Variants in ERC2 observed in about 807,000 individuals in gnomAD.
ERC2 encodes the protein ERC protein 2.
A neutral mutation model predicts 114.8 loss-of-function variants in ERC2; 42 were observed. The ratio of observed to expected loss-of-function variants is 0.37; its 90% CI spans 0.29 to 0.47. The LOEUF (loss-of-function observed/expected upper bound fraction) is 0.47, where lower values mean the gene tolerates loss of function less well. ERC2 is among the 20% of genes least tolerant of loss of function. The probability of loss-of-function intolerance (pLI) is 0.99; values close to 1 mark genes in which losing one functional copy is unlikely to be tolerated. For missense variants in ERC2, 939 were observed against 1,150.7 expected, an observed-to-expected ratio of 0.82 and a Z score of 2.66; for synonymous variants, 454 against 425.5, an observed-to-expected ratio of 1.07 and a Z score of -0.82.
intron 14 of ERC2, among the ~76,000 whole-genome samples, chr3:55,766,982 A>G (rs9311579): frequency 0.5 from 76,329 of 151,478 alleles, 19,511 homozygotes; most frequent in East Asian, 0.77. Flanking sequence ...GGTCATATCA[A>G]CTTGGGGGTT....
At chr3:56,381,513 C>T (rs998373020) in intron 2 of ERC2, among the ~76,000 whole-genome samples, 5 of 151,930 alleles carry the variant, frequency 3.3e-5, no homozygotes, top group African/African-American at 9.7e-5. Flanking sequence ...ACAGTTCAAA[C>T]CCATGTAGTT....
At chr3:56,059,698 T>C (rs1442846483) in intron 7 of ERC2, among the ~76,000 whole-genome samples, 6 of 152,206 alleles carry the variant, frequency 3.9e-5, no homozygotes, top group African/African-American at 9.6e-5. Context: ...TTTAGTGTTG[T>C]AGGAAAAAAC....
intron 12 of ERC2, among the ~76,000 whole-genome samples, chr3:55,956,685 T>G (rs962406708): frequency 1.3e-5 from 2 of 152,156 alleles, no homozygotes; most frequent in African/African-American, 4.8e-5. Flanking sequence ...AGCTCCAGGA[T>G]AAGCCAGATC....
chr3:55,729,060 T>A (rs1344231250), intron 15 of ERC2, among the ~76,000 whole-genome samples: 1 of 152,172 alleles, frequency 6.6e-6, no homozygotes, highest in African/African-American at 2.4e-5. Context: ...TCCATAGTAG[T>A]GATGAGGGGA....
intron 14 of ERC2, among the ~76,000 whole-genome samples, chr3:55,807,914 T>C (rs1000403377): frequency 3.9e-5 from 6 of 152,166 alleles, no homozygotes; most frequent in Non-Finnish European, 8.8e-5. Flanking sequence ...AAATGACCTC[T>C]GAGCATGAGG....
intron 7 of ERC2, among the ~76,000 whole-genome samples, chr3:56,051,864 C>G (rs1262864216): frequency 6.7e-6 from 1 of 148,488 alleles, no homozygotes; most frequent in African/African-American, 2.6e-5. Context: ...CACACACACA[C>G]ACACACACAC....
chr3:55,996,735 C>A (rs1039608692), intron 10 of ERC2, among the ~76,000 whole-genome samples: 16 of 152,138 alleles, frequency 1.1e-4, no homozygotes, highest in African/African-American at 3.9e-4. Flanking sequence ...CTTTGAAAGC[C>A]TAGATCAGGC....
chr3:55,907,384 C>T (rs113315098), intron 13 of ERC2, among the ~76,000 whole-genome samples: 2 of 152,172 alleles, frequency 1.3e-5, no homozygotes, highest in African/African-American at 4.8e-5. Flanking sequence ...TGCCCTGCTG[C>T]ACAGGGCTCT....
At chr3:56,049,628 G>A (rs1033815873) in intron 7 of ERC2, among the ~76,000 whole-genome samples, 1 of 152,120 alleles carries the variant, frequency 6.6e-6, no homozygotes, top group Non-Finnish European at 1.5e-5. Context: ...ACATGAAAAG[G>A]CTAGATTTGC....
rs570029190 is a variant in ERC2, at chr3:56,032,837, T to C, written c.1642-13806A>G. ...AGAAACATAGTGAGACCCTGTCTGT[T>C]GGAAGAACAAAAGAAAGAAAGGAAA... On this transcript the variant is annotated intron_variant, in intron 7 of 17. Transcript: ENST00000288221. Among the ~76,000 whole-genome samples, 3 of 122,234 alleles carry C rather than the reference T, an allele frequency of 2.5e-5. No homozygotes were observed. In the South Asian group the frequency reaches 7.7e-4, roughly 31 times the overall value. 80.2% of individuals were successfully genotyped at this position (122,234 alleles called of 152,430 possible). A position where few individuals can be genotyped will look rare whatever the true frequency, so the allele number is the denominator to read the frequency against.
intron 1 of ERC2, among the ~76,000 whole-genome samples, chr3:56,436,504 T>A (rs1420710835): frequency 6.6e-6 from 1 of 152,170 alleles, no homozygotes; most frequent in Non-Finnish European, 1.5e-5. Context: ...ACACACTTTC[T>A]GATTATACTG....
chr3:55,664,158 C>T (rs1383437933), intron 17 of ERC2, among the ~76,000 whole-genome samples: 3 of 151,786 alleles, frequency 2.0e-5, no homozygotes, highest in Non-Finnish European at 4.4e-5. Context: ...TATTTTTTTC[C>T]CCCCTCTAAA....
intron 4 of ERC2, among the ~76,000 whole-genome samples, chr3:56,163,282 C>T (rs1026192235): frequency 1.3e-5 from 2 of 151,990 alleles, no homozygotes; most frequent in Non-Finnish European, 2.9e-5. Context: ...ACCTTATGGC[C>T]GAGCATGTGG....
At chr3:56,257,322 A>C (rs2052588925) in intron 3 of ERC2, among the ~76,000 whole-genome samples, 1 of 152,220 alleles carries the variant, frequency 6.6e-6, no homozygotes, top group Non-Finnish European at 1.5e-5. Context: ...TAAAGTGGCA[A>C]AATATTTCAA....
intron 2 of ERC2, among the ~76,000 whole-genome samples, chr3:56,422,739 T>C (rs548384607): frequency 6.6e-6 from 1 of 152,300 alleles, no homozygotes; most frequent in South Asian, 2.1e-4. Context: ...GAGCTAAGCA[T>C]ACCTGAGATC....
intron 1 of ERC2, among the ~76,000 whole-genome samples, chr3:56,450,787 C>T (rs187160761): frequency 3.3e-5 from 5 of 152,098 alleles, no homozygotes; most frequent in African/African-American, 9.6e-5. Flanking sequence ...GCTATGATCA[C>T]GCCGTTGCGC....
chr3:56,241,978 C>T (rs1208073222), intron 3 of ERC2, among the ~76,000 whole-genome samples: 1 of 152,134 alleles, frequency 6.6e-6, no homozygotes, highest in Non-Finnish European at 1.5e-5. Context: ...TTACAAGAGA[C>T]AGAATGGCCC....
intron 17 of ERC2, among the ~76,000 whole-genome samples, chr3:55,515,943 T>G (rs2052468313): frequency 6.6e-6 from 1 of 152,160 alleles, no homozygotes; most frequent in Admixed American, 6.5e-5. Flanking sequence ...GGGAAACTGT[T>G]TAATAACAGT....
intron 15 of ERC2, among the ~76,000 whole-genome samples, chr3:55,722,149 T>C (rs1232961408): frequency 6.6e-6 from 1 of 152,106 alleles, no homozygotes; most frequent in African/African-American, 2.4e-5. Context: ...TGAATGAAGA[T>C]TTTTTGGTTG....
Sources: gnomAD v4.1 joint callset for allele counts (sites outside exome capture counted in the v4.1 genomes callset) on GRCh38, gnomAD v4.1.1 for gene constraint, MANE v1.5 for transcripts, NCBI Gene and HGNC (gene_info 2026-07-23, HGNC 2026-07-21) for gene names.